Variants in ZNF444 observed in about 807,000 individuals in gnomAD.
ZNF444 encodes endothelial zinc finger protein 2.
A neutral mutation model predicts 14.4 loss-of-function variants in ZNF444; 8 were observed. The ratio of observed to expected loss-of-function variants is 0.56; its 90% CI spans 0.33 to 1.00. The LOEUF (loss-of-function observed/expected upper bound fraction) is 1.00, where lower values mean the gene tolerates loss of function less well. Among genes scored for constraint, ZNF444 ranks in the 50% least tolerant of loss-of-function variants. The pLI is 0.03. For synonymous variants in ZNF444, 258 were observed against 235.9 expected (o/e 1.09, Z -0.86); for missense variants, 510 against 504.8 (o/e 1.01, Z -0.10).
At chr19:56,148,659 C>G (rs1393581529) in intron 3 of ZNF444, among the ~76,000 whole-genome samples, 1 of 152,200 alleles carries the variant, frequency 6.6e-6, no homozygotes, top group Non-Finnish European at 1.5e-5. Context: ...TGTGCTGGCT[C>G]TGGCTTCTCT....
At chr19:56,132,931 C>CTTTTTTT (rs1488948457) in intron 1 of ZNF444, among the ~76,000 whole-genome samples, 5 of 38,110 alleles carry the variant, frequency 1.3e-4, no homozygotes, top group Non-Finnish European at 2.2e-4. Flanking sequence ...TTCTTTCTTT[C>CTTTTTTT]TTTCTTTTTT....
rs2032219333 is a variant in ZNF444 at position 56,160,375 on chromosome 19, T to C, written c.*174T>C. 5.7e-6 allele frequency: 3 copies of C among 525,952 alleles called. No homozygotes were observed. Among genetic ancestry groups the C allele is most frequent in the Non-Finnish European group, 9.6e-6 (3 of 313,108 alleles). 32.6% of individuals were successfully genotyped at this position (525,952 alleles called of 1,614,324 possible). ...CTTCCTATTCCTTTCCAACTCCTTT[T>C]CCCCCAAATTTCACTTTCCTTCTCA... is the stretch of plus-strand genomic sequence containing the variant. On this transcript the variant is annotated 3_prime_UTR_variant, in exon 5 of 5. Coordinates refer to ENST00000337080, the MANE Select transcript of ZNF444 (RefSeq NM_018337.4).
rs375355803 is a variant in ZNF444, at chr19:56,145,459, G to A, written c.-196-788G>A. Among the ~76,000 whole-genome samples, 23 of 152,190 alleles carry A rather than the reference G, an allele frequency of 1.5e-4. No individual in the cohort carries two copies. The highest frequency in any genetic ancestry group is 3.9e-4 in the Admixed American group (6 of 15,282). Reference sequence around the variant, plus strand: ...AAATTATCCGGACGTGGTAACGCACGTCTATAATCCCAGCTACTTGGGAGG... The same window carrying A: ...AAATTATCCGGACGTGGTAACGCACATCTATAATCCCAGCTACTTGGGAGG... On this transcript the variant is annotated intron_variant, in intron 1 of 4. Coordinates refer to ENST00000337080, the MANE Select transcript of ZNF444 (RefSeq NM_018337.4). The surrounding 1 kb of genome is among the most constrained non-coding windows in gnomAD (Gnocchi z 4.3).
intron 3 of ZNF444, chr19:56,156,155 C>T (rs1036540556): frequency 6.6e-6 from 1 of 152,280 alleles, no homozygotes; most frequent in African/African-American, 2.4e-5. Flanking sequence ...ATGGTGAGGT[C>T]TGGAAGGGTT....
Position 56,160,064 on chromosome 19 carries a change from T to C in ZNF444, c.847T>C (p.Cys283Arg), listed in dbSNP as rs955103675. 5 of 1,505,004 alleles carry C rather than the reference T, an allele frequency of 3.3e-6. No individual in the cohort carries two copies. Among genetic ancestry groups the C allele is most frequent in the Non-Finnish European group, 4.4e-6 (5 of 1,132,044 alleles). The allele number at this position is 1,505,004 out of a possible 1,614,324, so 93.2% of individuals were successfully genotyped here. The change falls in exon 5 of 5, where the codon TGT becomes CGT. Residue 283 changes from cysteine (C) to arginine (R), a missense_variant. Coordinates refer to ENST00000337080, the MANE Select transcript of ZNF444 (RefSeq NM_018337.4). ...SGARPFACWE[C>R]GKGFGRREHV... Reference sequence around the variant, plus strand: ...AGCGCGGCCCTTTGCCTGCTGGGAGTGTGGCAAGGGCTTCGGGCGCCGCGA... The same window carrying C: ...AGCGCGGCCCTTTGCCTGCTGGGAGCGTGGCAAGGGCTTCGGGCGCCGCGA...
intron 3 of ZNF444, chr19:56,150,304 A>G: frequency 8.4e-6 from 2 of 238,594 alleles, no homozygotes; most frequent in Non-Finnish European, 1.7e-5. Flanking sequence ...AAATAAAAAA[A>G]AATCTTCCAT....
At chr19:56,142,121 T>C (rs2030865315) in intron 1 of ZNF444, among the ~76,000 whole-genome samples, 1 of 152,170 alleles carries the variant, frequency 6.6e-6, no homozygotes, top group African/African-American at 2.4e-5. Context: ...CCTATTCCAA[T>C]GTATACTTAG....
chr19:56,148,756 G>A (rs546892388), intron 3 of ZNF444, among the ~76,000 whole-genome samples: 11 of 152,180 alleles, frequency 7.2e-5, no homozygotes, highest in Middle Eastern at 3.4e-3. Context: ...CAAACGCAGC[G>A]GCTTAGAAAT....
intron 3 of ZNF444, chr19:56,151,755 G>A (rs1238118687): frequency 4.5e-6 from 2 of 445,398 alleles, no homozygotes; most frequent in Admixed American, 2.5e-5. Flanking sequence ...GACATCTGGG[G>A]GCATCTAGTG....
At chr19:56,138,299 A>C (rs957348448), upstream of ZNF444, among the ~76,000 whole-genome samples, 3 of 152,054 alleles carry the variant, frequency 2.0e-5, no homozygotes, top group African/African-American at 7.2e-5. Flanking sequence ...ATACGGTATG[A>C]TTCCACTTAC....
chr19:56,156,708 G>A lies in ZNF444; in HGVS notation c.298-1786G>A, dbSNP rs989325383. On this transcript the variant is annotated intron_variant, in intron 3 of 4. Coordinates refer to ENST00000337080, the MANE Select transcript of ZNF444 (RefSeq NM_018337.4). The stretch of plus-strand genomic sequence containing the variant: ...CAAGACCGTAACAAGGGCTGTGGGA[G>A]TCATGAGCCAGGAGCCGTGGACAGA... 3 of 152,282 alleles carry A rather than the reference G, an allele frequency of 2.0e-5. No individual in the cohort carries two copies. The East Asian group carries it at 5.8e-4, about 29-fold the overall frequency. The allele number at this position is 152,282 out of a possible 1,614,324, so 9.4% of individuals were successfully genotyped here. A position where few individuals can be genotyped will look rare whatever the true frequency, so the allele number is the denominator to read the frequency against.
At chr19:56,153,882 A>G (rs1384903915) in intron 3 of ZNF444, among the ~76,000 whole-genome samples, 1 of 152,208 alleles carries the variant, frequency 6.6e-6, no homozygotes, top group Non-Finnish European at 1.5e-5. Flanking sequence ...GTAGCTGTTC[A>G]ATGTAGAAGC....
At chr19:56,140,242 C>T (rs868710698), upstream of ZNF444, among the ~76,000 whole-genome samples, 4 of 152,174 alleles carry the variant, frequency 2.6e-5, no homozygotes, top group South Asian at 8.3e-4. Context: ...GGGGGATTCT[C>T]TTATCCTTGT....
upstream of ZNF444, among the ~76,000 whole-genome samples, chr19:56,139,902 C>A (rs189189606): frequency 6.6e-4 from 101 of 152,062 alleles, no homozygotes; most frequent in African/African-American, 2.0e-3. Flanking sequence ...ATTAAGAAAT[C>A]CAAGAGGAGA....
At chr19:56,133,325 A>C (rs2030533377) in intron 1 of ZNF444, among the ~76,000 whole-genome samples, 2 of 151,172 alleles carry the variant, frequency 1.3e-5, no homozygotes, top group Admixed American at 1.3e-4. Context: ...CACCCACCTC[A>C]GCCTCCCAAA....
intron 3 of ZNF444, among the ~76,000 whole-genome samples, chr19:56,152,331 CAA>C (rs1162528500): frequency 0.016 from 1,329 of 80,636 alleles, 13 homozygotes; most frequent in African/African-American, 0.029. Context: ...GACTCTGTCT[CAA>C]AAAAAAAAAA....
chr19:56,136,938 A>G (rs895796197), upstream of ZNF444, among the ~76,000 whole-genome samples: 5 of 151,496 alleles, frequency 3.3e-5, no homozygotes, highest in Non-Finnish European at 7.4e-5. Context: ...GCACCACTAC[A>G]CCCAGCTAAT....
intron 3 of ZNF444, among the ~76,000 whole-genome samples, chr19:56,153,072 C>G (rs1216868571): frequency 7.9e-5 from 12 of 152,044 alleles, no homozygotes; most frequent in Admixed American, 3.3e-4. Flanking sequence ...TGCCTCATGA[C>G]CTGTGTGAGC....
In ZNF444 at chr19:56,144,217, G is replaced by A. The variant is rs2123473382; in HGVS notation, c.-196-2030G>A. 6.6e-6 allele frequency among the ~76,000 whole-genome samples: 1 copy of A among 152,254 alleles called. No homozygotes were observed. The highest frequency in any genetic ancestry group is 2.1e-4 in the South Asian group (1 of 4,824). On this transcript the variant is annotated intron_variant, in intron 1 of 4. Transcript: ENST00000337080. The surrounding 1 kb of genome is among the most constrained non-coding windows in gnomAD (Gnocchi z 4.0). ...CCAGCTGCTCAGGAGGCTGAGCCAGGAGGATGGTTTGAGCCCAGGAGGTCG... is the reference window on the plus strand; with the variant it reads ...CCAGCTGCTCAGGAGGCTGAGCCAGAAGGATGGTTTGAGCCCAGGAGGTCG...
Sources: allele counts gnomAD v4.1 joint callset (sites outside exome capture counted in the v4.1 genomes callset), GRCh38; gene constraint gnomAD v4.1.1; non-coding constraint Gnocchi (gnomAD v3.1); transcripts MANE v1.5; gene names NCBI Gene and HGNC (gene_info 2026-07-23, HGNC 2026-07-21).